Variants in DUSP26 observed in about 807,000 individuals in gnomAD.
The protein encoded by DUSP26 is dual specificity phosphatase 26.
In DUSP26, 12 loss-of-function variants were observed where a neutral mutation model predicts 20.0. The ratio of observed to expected loss-of-function variants is 0.60; its 90% CI spans 0.38 to 0.97. The LOEUF (loss-of-function observed/expected upper bound fraction) is 0.97. DUSP26 is among the 50% of genes least tolerant of loss of function. DUSP26 has a pLI of 0.00. For synonymous variants in DUSP26, 120 were observed against 118.8 expected, an observed-to-expected ratio of 1.01 and a Z score of -0.06; for missense variants, 230 against 294.0, an observed-to-expected ratio of 0.78 and a Z score of 1.59.
At chr8:33,599,422 G>A (rs1395629498) in intron 1 of DUSP26, among the ~76,000 whole-genome samples, 2 of 152,284 alleles carry the variant, frequency 1.3e-5, no homozygotes, top group African/African-American at 2.4e-5. Flanking sequence ...GCCCTGGCCC[G>A]CCGCTCCCTC....
At chr8:33,594,320 C>T (rs1012230694) in intron 2 of DUSP26, among the ~76,000 whole-genome samples, 8 of 151,508 alleles carry the variant, frequency 5.3e-5, no homozygotes, top group Non-Finnish European at 1.0e-4. Context: ...CGGCCGGGCG[C>T]GGTGGCTCAC....
intron 3 of DUSP26, among the ~76,000 whole-genome samples, chr8:33,593,042 C>T (rs962693684): frequency 3.9e-5 from 6 of 151,954 alleles, no homozygotes; most frequent in South Asian, 2.1e-4. Context: ...GAGGCCGAGG[C>T]GGGTGGATCA....
At chr8:33,593,394 G>A (rs1811067360) in intron 3 of DUSP26, 139 bp downstream of exon 3, 1 of 971,584 alleles carries the variant, frequency 1.0e-6, no homozygotes. Flanking sequence ...AAAAATGGTT[G>A]AGATAATATT....
At chr8:33,594,066 C>T (rs552616680) in intron 2 of DUSP26, among the ~76,000 whole-genome samples, 2 of 151,980 alleles carry the variant, frequency 1.3e-5, no homozygotes, top group South Asian at 2.1e-4. Flanking sequence ...GTTATCCTCC[C>T]GCCTCGGCCT....
intron 2 of DUSP26, among the ~76,000 whole-genome samples, chr8:33,594,321 G>A (rs1335468746): frequency 3.3e-5 from 5 of 151,842 alleles, no homozygotes; most frequent in African/African-American, 7.2e-5. Flanking sequence ...GGCCGGGCGC[G>A]GTGGCTCACG....
At position 33,591,853 on chromosome 8, in the gene DUSP26, C is replaced by T. The variant is rs1311753000; in HGVS notation, c.*160G>A. 36 of 821,618 alleles carry T rather than the reference C, an allele frequency of 4.4e-5. No homozygotes were observed. The South Asian group carries it at 5.8e-4, about 13-fold the overall frequency. 50.9% of individuals were successfully genotyped at this position (821,618 alleles called of 1,614,324 possible). On this transcript the variant is annotated 3_prime_UTR_variant, in exon 4 of 4. Transcript: ENST00000256261. ...ACTGCCCAACCTCACTCCCCGTCCC[C>T]TCCCACAAAGAGTGACAGTGGCCTG...
chr8:33,593,655 G>A lies in DUSP26; in HGVS notation c.314C>T (p.Ala105Val), dbSNP rs762384016. 6.2e-7 allele frequency: 1 copy of A among 1,614,040 alleles called. No individual in the cohort carries two copies. The highest frequency in any genetic ancestry group is 1.3e-5 in the African/African-American group (1 of 74,924). The stretch of plus-strand genomic sequence containing the variant: ...GTAGCGGATGCCCAGCCCCTCATAG[G>A]CCTCGGGCGTGCCTCGCCACCGGCT... Reference protein sequence around the residue: ...SHSRWRGTPEAYEGLGIRYLG... With the variant: ...SHSRWRGTPEVYEGLGIRYLG... Residue 105 changes from alanine (A) to valine (V), a missense_variant, in exon 3 of 4, where the codon GCC (alanine) becomes GTC (valine). Physicochemically the swap from Ala to Val is moderately conservative, Grantham distance 64. Coordinates refer to ENST00000256261, the MANE Select transcript of DUSP26 (RefSeq NM_024025.3).
intron 1 of DUSP26, among the ~76,000 whole-genome samples, chr8:33,598,566 C>G (rs767945726): frequency 1.3e-5 from 2 of 151,926 alleles, no homozygotes; most frequent in Non-Finnish European, 2.9e-5. Context: ...GGTCCAGGGG[C>G]TCAGAGGCTT....
chr8:33,592,089 C>G lies in DUSP26; in HGVS notation c.560G>C (p.Gly187Ala). The stretch of plus-strand genomic sequence containing the variant: ...CAGGAAGCCCCGGTTGGGGATGATG[C>G]CTCGGTGGTCTTTGACTTTCTTGAT... Reference protein sequence around the residue: ...EAIKKVKDHRGIIPNRGFLRQ... With the variant: ...EAIKKVKDHRAIIPNRGFLRQ... Residue 187 changes from glycine to alanine, a missense_variant, in exon 4 of 4, where the codon GGC becomes GCC. Gly to Ala is a moderately conservative substitution (Grantham distance 60, BLOSUM62 0). Coordinates refer to ENST00000256261, the MANE Select transcript of DUSP26 (RefSeq NM_024025.3). The G allele has an allele frequency of 6.2e-7, 1 of 1,613,998 alleles. No homozygotes were observed.
intron 2 of DUSP26, among the ~76,000 whole-genome samples, chr8:33,596,248 C>T (rs1321118369): frequency 2.0e-5 from 3 of 151,854 alleles, no homozygotes; most frequent in Non-Finnish European, 4.4e-5. Flanking sequence ...TGGGCTACTG[C>T]ACTCCAGCCT....
intron 2 of DUSP26, among the ~76,000 whole-genome samples, chr8:33,595,900 G>A (rs2128846866): frequency 6.6e-6 from 1 of 152,268 alleles, no homozygotes. Context: ...CAACTTCTCT[G>A]AGCTTCAGTC....
At chr8:33,594,723 T>C (rs1477794818) in intron 2 of DUSP26, among the ~76,000 whole-genome samples, 1 of 148,036 alleles carries the variant, frequency 6.8e-6, no homozygotes, top group Non-Finnish European at 1.5e-5. Flanking sequence ...AGATTTCATT[T>C]TTTTTTTTTT....
chr8:33,591,950 C>G lies in DUSP26; in HGVS notation c.*63G>C, dbSNP rs556228411. 15 of 1,594,162 alleles carry G rather than the reference C, an allele frequency of 9.4e-6. No individual in the cohort carries two copies. The East Asian group carries it at 3.4e-4, about 36-fold the overall frequency. ...TCCTGCTACCTGCCACCTGGGCCTC[C>G]TATCTCCAGCTGGGAGCCAGGGACC... On this transcript the variant is annotated 3_prime_UTR_variant, in exon 4 of 4. Transcript: ENST00000256261.
chr8:33,597,126 CA>C (rs1444607611), intron 2 of DUSP26, among the ~76,000 whole-genome samples, 168 bp downstream of exon 2: 1 of 151,994 alleles, frequency 6.6e-6, no homozygotes, highest in East Asian at 1.9e-4. Flanking sequence ...TAATCCTGGC[CA>C]AACTCTCCCA....
intron 2 of DUSP26, among the ~76,000 whole-genome samples, chr8:33,596,536 C>T (rs959904679): frequency 6.7e-6 from 1 of 150,324 alleles, no homozygotes; most frequent in Non-Finnish European, 1.5e-5. Flanking sequence ...GAACCAAGAT[C>T]GCGCCACTGC....
chr8:33,591,770 A>G lies in DUSP26; in HGVS notation c.*243T>C. ...TGTTCGAATCCCAGGACCATCTTCCATCTACAGCCTAGCTGCCTCCTTCCC... is the reference window on the plus strand; with the variant it reads ...TGTTCGAATCCCAGGACCATCTTCCGTCTACAGCCTAGCTGCCTCCTTCCC... On this transcript the variant is annotated 3_prime_UTR_variant, in exon 4 of 4. Transcript: ENST00000256261. The G allele has an allele frequency of 1.9e-6, 1 of 539,952 alleles. No homozygotes were observed. The allele number at this position is 539,952 out of a possible 1,614,324, so 33.4% of individuals were successfully genotyped here. A position where few individuals can be genotyped will look rare whatever the true frequency, so the allele number is the denominator to read the frequency against.
At chr8:33,599,586 C>T (rs1304902856) in intron 1 of DUSP26, 79 bp downstream of exon 1, 1 of 152,078 alleles carries the variant, frequency 6.6e-6, no homozygotes, top group Non-Finnish European at 1.5e-5. Flanking sequence ...CCCTCCCTCC[C>T]CCGTCGCCCC....
In DUSP26 at chr8:33,599,186, T is replaced by C. The variant is rs189767016; in HGVS notation, c.-77+479A>G. Among the ~76,000 whole-genome samples the C allele has an allele frequency of 9.9e-5, 15 of 152,026 alleles. No homozygotes were observed. In the East Asian group the frequency reaches 2.7e-3, roughly 28 times the overall value. On this transcript the variant is annotated intron_variant, in intron 1 of 3. Transcript: ENST00000256261. Reference sequence around the variant, plus strand: ...CATCACTATCACCATCATCTTCTTCTACCTTTGCACCCAGGCCTAAAGACC... The same window carrying C: ...CATCACTATCACCATCATCTTCTTCCACCTTTGCACCCAGGCCTAAAGACC...
intron 1 of DUSP26, among the ~76,000 whole-genome samples, chr8:33,597,971 T>G (rs1585380829): frequency 6.6e-6 from 1 of 151,860 alleles, no homozygotes; most frequent in South Asian, 2.1e-4. Context: ...GAGTCTCATC[T>G]GCCTGGGGCT....
Sources: gnomAD v4.1 joint callset for allele counts (sites outside exome capture counted in the v4.1 genomes callset) on GRCh38, gnomAD v4.1.1 for gene constraint, MANE v1.5 for transcripts, NCBI Gene and HGNC (gene_info 2026-07-23, HGNC 2026-07-21) for gene names.